The following KIAA1328 variants were observed in gnomAD, a reference collection of about 807,000 sequenced individuals.
The protein encoded by KIAA1328 is KIAA1328.
A neutral mutation model predicts 68.1 loss-of-function variants in KIAA1328; 52 were observed. That is an observed-to-expected ratio of 0.76 (90% CI 0.61 to 0.96). The LOEUF is 0.96. KIAA1328 is among the 40% of genes least tolerant of loss of function. The pLI is 0.00. For synonymous variants in KIAA1328, 232 were observed against 239.4 expected (o/e 0.97, Z 0.28); for missense variants, 641 against 677.6 (o/e 0.95, Z 0.60).
intron 8 of KIAA1328, among the ~76,000 whole-genome samples, chr18:37,161,606 C>G (rs1157459903): frequency 6.6e-6 from 1 of 152,176 alleles, no homozygotes. Flanking sequence ...AGAATCTTTA[C>G]TTTCTCTGTT....
At chr18:37,027,026 C>T (rs1003118235) in intron 6 of KIAA1328, among the ~76,000 whole-genome samples, 4 of 152,198 alleles carry the variant, frequency 2.6e-5, no homozygotes, top group African/African-American at 9.6e-5. Flanking sequence ...TTAGCAAAGT[C>T]TCTGGATACA....
chr18:37,076,030 AT>A (rs1375781345), intron 7 of KIAA1328, among the ~76,000 whole-genome samples: 10 of 151,860 alleles, frequency 6.6e-5, no homozygotes, highest in African/African-American at 1.9e-4. Context: ...CAGAATATAC[AT>A]TTTTTTCAGC....
At chr18:37,096,479 G>T (rs959864089) in intron 7 of KIAA1328, among the ~76,000 whole-genome samples, 1 of 152,120 alleles carries the variant, frequency 6.6e-6, no homozygotes, top group Non-Finnish European at 1.5e-5. Context: ...GTCTATCATT[G>T]TTGGACATTT....
intron 6 of KIAA1328, among the ~76,000 whole-genome samples, chr18:36,965,497 C>T (rs910764031): frequency 9.9e-6 from 1 of 100,776 alleles, no homozygotes; most frequent in Admixed American, 1.1e-4. Flanking sequence ...TACACACACA[C>T]ACAAAATTAG....
intron 4 of KIAA1328, among the ~76,000 whole-genome samples, chr18:36,873,973 T>G (rs1447230506): frequency 6.6e-6 from 1 of 152,232 alleles, no homozygotes; most frequent in East Asian, 1.9e-4. Flanking sequence ...TTGCTGAGAA[T>G]GATGGTTTCC....
chr18:37,194,923 T>A (rs1018773407), intron 9 of KIAA1328, among the ~76,000 whole-genome samples: 2 of 152,220 alleles, frequency 1.3e-5, no homozygotes, highest in Admixed American at 1.3e-4. Flanking sequence ...CCTCCCAAAG[T>A]GCTGGGATTA....
intron 2 of KIAA1328, 117 bp downstream of exon 2, chr18:36,834,472 C>A: frequency 3.7e-6 from 3 of 815,606 alleles, no homozygotes; most frequent in Non-Finnish European, 5.2e-6. Flanking sequence ...AGCAGTACAT[C>A]AAAACCTAAA....
intron 4 of KIAA1328, among the ~76,000 whole-genome samples, chr18:36,858,795 T>A (rs962138873): frequency 2.0e-5 from 3 of 152,214 alleles, no homozygotes; most frequent in Non-Finnish European, 4.4e-5. Context: ...AAGTGCCCTT[T>A]CCATCACACA....
chr18:36,849,356 A>G (rs2047138200), intron 4 of KIAA1328, among the ~76,000 whole-genome samples: 1 of 151,928 alleles, frequency 6.6e-6, no homozygotes. Flanking sequence ...AACCATCACC[A>G]TTTTCTAGTT....
At position 37,197,202 on chromosome 18, in the gene KIAA1328, G is replaced by T. The variant is rs542942426; in HGVS notation, c.1523+24121G>T. Among the ~76,000 whole-genome samples, 394 of 151,708 alleles carry T rather than the reference G, an allele frequency of 2.6e-3. 1 individual carries two copies. Among genetic ancestry groups the T allele is most frequent in the Non-Finnish European group, 4.9e-3 (329 of 67,802 alleles). The stretch of plus-strand genomic sequence containing the variant: ...TTCATCTCTGCTTTTATTTATTTAG[G>T]TCTTTTCTCTTTTTTTCTTAATCTA... On this transcript the variant is annotated intron_variant, in intron 9 of 9. Coordinates refer to ENST00000280020, the MANE Select transcript of KIAA1328 (RefSeq NM_020776.3).
At chr18:37,173,965 T>C (rs1314037740) in intron 9 of KIAA1328, among the ~76,000 whole-genome samples, 2 of 152,220 alleles carry the variant, frequency 1.3e-5, no homozygotes, top group African/African-American at 4.8e-5. Flanking sequence ...ATTTTGGCTC[T>C]TTTTGTCATT....
At chr18:37,118,307 C>A (rs1014408167) in intron 7 of KIAA1328, among the ~76,000 whole-genome samples, 7 of 152,118 alleles carry the variant, frequency 4.6e-5, no homozygotes, top group Non-Finnish European at 4.4e-5. Context: ...TAATAACTTT[C>A]TTTCACTACC....
chr18:37,114,185 C>T (rs898224912), intron 7 of KIAA1328, among the ~76,000 whole-genome samples: 17 of 152,196 alleles, frequency 1.1e-4, no homozygotes, highest in African/African-American at 2.9e-4. Flanking sequence ...GAACTCTCCA[C>T]GCCAGATCAA....
At chr18:37,147,274 G>A (rs780045361) in intron 7 of KIAA1328, among the ~76,000 whole-genome samples, 5 of 152,110 alleles carry the variant, frequency 3.3e-5, no homozygotes, top group African/African-American at 9.7e-5. Context: ...ATTTATAATC[G>A]TGAATTTAAA....
chr18:37,138,002 G>A (rs1462766650), intron 7 of KIAA1328, among the ~76,000 whole-genome samples: 1 of 151,684 alleles, frequency 6.6e-6, no homozygotes, highest in Non-Finnish European at 1.5e-5. Context: ...ATAATTCTCA[G>A]CAATTATAAC....
intron 7 of KIAA1328, among the ~76,000 whole-genome samples, chr18:37,142,769 T>G (rs773570317): frequency 6.6e-6 from 1 of 152,130 alleles, no homozygotes; most frequent in African/African-American, 2.4e-5. Flanking sequence ...CAAGCCTTAC[T>G]TTTTTATTAA....
In KIAA1328 at chr18:37,124,968, A is replaced by G. The variant is rs1438413618; in HGVS notation, c.1233-35232A>G. Among the ~76,000 whole-genome samples the G allele has an allele frequency of 2.6e-5, 4 of 152,232 alleles. No homozygotes were observed. The East Asian group carries it at 7.7e-4, about 29-fold the overall frequency. ...GTTTATCTGTTAAAATATATTTTGT[A>G]AAGCAAGCTGGCTCCACAGTTAAAA... On this transcript the variant is annotated intron_variant, in intron 7 of 9. Coordinates refer to ENST00000280020, the MANE Select transcript of KIAA1328 (RefSeq NM_020776.3).
chr18:37,085,537 G>T (rs556897457), intron 7 of KIAA1328, among the ~76,000 whole-genome samples: 4 of 152,258 alleles, frequency 2.6e-5, no homozygotes, highest in African/African-American at 9.6e-5. Flanking sequence ...GATGGGAGGG[G>T]CAGGGACGAG....
chr18:37,073,127 C>A (rs2056592385), intron 7 of KIAA1328, among the ~76,000 whole-genome samples: 1 of 152,186 alleles, frequency 6.6e-6, no homozygotes, highest in Non-Finnish European at 1.5e-5. Context: ...GATGAAAATG[C>A]TGAAAGCAAT....
Sources: allele counts gnomAD v4.1 joint callset (sites outside exome capture counted in the v4.1 genomes callset), GRCh38; gene constraint gnomAD v4.1.1; transcripts MANE v1.5; gene names NCBI Gene and HGNC (gene_info 2026-07-23, HGNC 2026-07-21).